PRKAR1B: variants seen among roughly 807,000 people sequenced by gnomAD.
The protein encoded by PRKAR1B is protein kinase cAMP-dependent type I regulatory subunit beta.
In PRKAR1B, 22 loss-of-function variants were observed where a neutral mutation model predicts 46.5. The ratio of observed to expected loss-of-function variants is 0.47; its 90% CI spans 0.34 to 0.68. PRKAR1B has a LOEUF of 0.68. PRKAR1B is among the 30% of genes least tolerant of loss of function. The pLI is 0.01. For synonymous variants in PRKAR1B, 259 were observed against 217.7 expected (o/e 1.19, Z -1.67); for missense variants, 445 against 535.6 (o/e 0.83, Z 1.67).
intron 4 of PRKAR1B, among the ~76,000 whole-genome samples, chr7:616,927 AAAC>A (rs1266333506): frequency 6.6e-6 from 1 of 152,162 alleles, no homozygotes; most frequent in Admixed American, 6.5e-5. Flanking sequence ...CGGGTAATTT[AAAC>A]AACAAGGAAA....
intron 9 of PRKAR1B, among the ~76,000 whole-genome samples, chr7:561,718 AG>A (rs765718796): frequency 6.6e-6 from 1 of 152,232 alleles, no homozygotes; most frequent in Non-Finnish European, 1.5e-5. Context: ...GAGCCGCCCA[AG>A]GTCAGCTCCT....
chr7:712,641 G>A, intron 1 of PRKAR1B: 1 of 28,806 alleles, frequency 3.5e-5, no homozygotes, highest in Non-Finnish European at 6.4e-5. Flanking sequence ...CCCACCCCCG[G>A]CTCTCCCCGC....
intron 7 of PRKAR1B, among the ~76,000 whole-genome samples, chr7:585,259 C>T (rs898911474): frequency 1.3e-5 from 2 of 152,186 alleles, no homozygotes; most frequent in African/African-American, 4.8e-5. Context: ...GAACGAGGCC[C>T]CTGCTCTAGG....
rs1402708435 is a variant in PRKAR1B, at chr7:596,194, G to T, written c.660C>A (p.Asp220Glu). ...PRAATVKAKT[D>E]LKLWGIDRDS... ...CCCGGTCGATCCCCCAGAGCTTGAGGTCCGTCTTGGCTTTCACGGTCGCAG... is the reference window on the plus strand; with the variant it reads ...CCCGGTCGATCCCCCAGAGCTTGAGTTCCGTCTTGGCTTTCACGGTCGCAG... The change falls in exon 7 of 11, where the codon GAC becomes GAA. Residue 220 changes from aspartate to glutamate, a missense_variant. Transcript: ENST00000537384. 1 of 1,613,928 alleles carries T rather than the reference G, an allele frequency of 6.2e-7. No individual in the cohort carries two copies. Among genetic ancestry groups the T allele is most frequent in the Non-Finnish European group, 8.5e-7 (1 of 1,180,006 alleles).
intron 1 of PRKAR1B, among the ~76,000 whole-genome samples, chr7:720,270 C>A (rs1781026773): frequency 6.6e-6 from 1 of 152,088 alleles, no homozygotes; most frequent in Non-Finnish European, 1.5e-5. Flanking sequence ...GTTGGCCAGG[C>A]TGGTCTTGAA....
At chr7:640,425 G>A (rs1338187853) in intron 4 of PRKAR1B, among the ~76,000 whole-genome samples, 2 of 152,104 alleles carry the variant, frequency 1.3e-5, no homozygotes, top group Non-Finnish European at 2.9e-5. Flanking sequence ...AGAAACACCT[G>A]AAAAGCTGTT....
At chr7:613,786 G>A (rs1008828410) in intron 4 of PRKAR1B, among the ~76,000 whole-genome samples, 2 of 152,192 alleles carry the variant, frequency 1.3e-5, no homozygotes, top group Non-Finnish European at 2.9e-5. Flanking sequence ...CCGCCGCTCC[G>A]GGCCTCCCGA....
chr7:702,936 C>A (rs572291420), intron 2 of PRKAR1B, among the ~76,000 whole-genome samples: 1 of 151,732 alleles, frequency 6.6e-6, no homozygotes, highest in Admixed American at 6.6e-5. Flanking sequence ...ACAGTATTTT[C>A]TTTTTAAAAA....
At position 680,729 on chromosome 7, in the gene PRKAR1B, G is replaced by T. The variant is rs116198569; in HGVS notation, c.178-3C>A. The T allele has an allele frequency of 7.1e-5, 115 of 1,613,754 alleles. 1 individual carries two copies. In the South Asian group the frequency reaches 1.2e-3, roughly 17 times the overall value. On this transcript the variant is annotated splice_region_variant and splice_polypyrimidine_tract_variant and intron_variant, in intron 2 of 10. Transcript: ENST00000537384. Reference sequence around the variant, plus strand: ...GCCAAAATCTGCCTGTTTTCTTCCTGTGTGGGAGAGGAAAACACAGAAAGG... The same window carrying T: ...GCCAAAATCTGCCTGTTTTCTTCCTTTGTGGGAGAGGAAAACACAGAAAGG...
chr7:721,280 A>G (rs1303984239), intron 1 of PRKAR1B, among the ~76,000 whole-genome samples: 2 of 152,244 alleles, frequency 1.3e-5, no homozygotes, highest in Non-Finnish European at 2.9e-5. Flanking sequence ...AAAGATGGTC[A>G]GTGACATTGA....
At chr7:580,414 A>G (rs1026014069) in intron 8 of PRKAR1B, among the ~76,000 whole-genome samples, 1 of 151,878 alleles carries the variant, frequency 6.6e-6, no homozygotes, top group South Asian at 2.1e-4. Context: ...AAATAATAAT[A>G]ATACATGAAT....
In PRKAR1B at chr7:551,467, T is replaced by C; in HGVS notation, c.895A>G (p.Thr299Ala). Reference protein sequence around the residue: ...GDDFYIITEGTASVLQRRSPN... With the variant: ...GDDFYIITEGAASVLQRRSPN... ...GACCGGCGCTGCAGCACGGACGCGG[T>C]GCCCTGTGGGTGGAGGTGGACAGAC... The change falls in exon 10 of 11, where the codon ACC becomes GCC. Residue 299 changes from threonine (T) to alanine (A), a missense_variant. Around this residue, in one of 5 missense-constraint regions of PRKAR1B, gnomAD observed 127 missense variants for 138.0 expected, o/e 0.92. Coordinates refer to ENST00000537384, the MANE Select transcript of PRKAR1B (RefSeq NM_001164760.2). 36 of 1,553,800 alleles carry C rather than the reference T, an allele frequency of 2.3e-5. No homozygotes were observed. Among genetic ancestry groups the C allele is most frequent in the Non-Finnish European group, 3.0e-5 (35 of 1,148,424 alleles).
In PRKAR1B at chr7:680,579, C is replaced by T; in HGVS notation, c.325G>A (p.Asp109Asn). Reference sequence around the variant, plus strand: ...ACCTTCCTGACGTAGGACACGGCGTCCTCCTCGGTGTACACCTCGGCACTC... The same window carrying T: ...ACCTTCCTGACGTAGGACACGGCGTTCTCCTCGGTGTACACCTCGGCACTC... ...GVSAEVYTEE[D>N]AVSYVRKVIP... The change falls in exon 3 of 11, where the codon GAC becomes AAC. Residue 109 changes from aspartate to asparagine, a missense_variant. By Grantham distance (23) the Asp-to-Asn change is conservative. Around this residue, in one of 5 missense-constraint regions of PRKAR1B, gnomAD observed 94 missense variants for 126.9 expected, o/e 0.74. Coordinates refer to ENST00000537384, the MANE Select transcript of PRKAR1B (RefSeq NM_001164760.2). 1 of 1,611,772 alleles carries T rather than the reference C, an allele frequency of 6.2e-7. No individual in the cohort carries two copies. The highest frequency in any genetic ancestry group is 2.2e-5 in the East Asian group (1 of 44,722).
At chr7:588,224 C>T (rs902538264) in intron 7 of PRKAR1B, among the ~76,000 whole-genome samples, 5 of 152,236 alleles carry the variant, frequency 3.3e-5, no homozygotes, top group Non-Finnish European at 5.9e-5. Flanking sequence ...GACACCCACC[C>T]TCCCCTGCCT....
intron 2 of PRKAR1B, among the ~76,000 whole-genome samples, chr7:694,221 C>T (rs181765215): frequency 1.6e-4 from 25 of 152,206 alleles, no homozygotes; most frequent in African/African-American, 5.5e-4. Context: ...GGAGGCACAG[C>T]TTGCAGTGAG....
chr7:638,297 G>T (rs752349048), intron 4 of PRKAR1B, among the ~76,000 whole-genome samples: 4 of 152,238 alleles, frequency 2.6e-5, no homozygotes, highest in African/African-American at 9.6e-5. Context: ...CCCCTAAACA[G>T]GTCCCGGAGG....
intron 7 of PRKAR1B, among the ~76,000 whole-genome samples, chr7:590,302 C>T (rs776222753): frequency 1.1e-4 from 17 of 152,260 alleles, no homozygotes; most frequent in Admixed American, 7.2e-4. Context: ...AGGCACGCAC[C>T]GGTGAGGAGA....
At chr7:554,512 GTGC>G (rs1562514377) in intron 9 of PRKAR1B, among the ~76,000 whole-genome samples, 5 of 152,236 alleles carry the variant, frequency 3.3e-5, no homozygotes, top group African/African-American at 4.8e-5. Flanking sequence ...CAATGTTCAG[GTGC>G]TTTTGACCCC....
At chr7:615,775 C>G (rs1263837787) in intron 4 of PRKAR1B, among the ~76,000 whole-genome samples, 1 of 145,132 alleles carries the variant, frequency 6.9e-6, no homozygotes, top group Non-Finnish European at 1.5e-5. Flanking sequence ...TTGCAGTGAG[C>G]CGAGATCGCG....
Sources: gnomAD v4.1 joint callset for allele counts (sites outside exome capture counted in the v4.1 genomes callset) on GRCh38, gnomAD v4.1.1 for gene constraint, gnomAD v4.1.1 regional missense constraint, MANE v1.5 for transcripts, NCBI Gene and HGNC (gene_info 2026-07-23, HGNC 2026-07-21) for gene names.